STAU2: variants seen among roughly 807,000 people sequenced by gnomAD.
STAU2 encodes double-stranded RNA-binding protein Staufen homolog 2.
STAU2 carries 20 observed loss-of-function variants against 65.9 expected under a neutral mutation model. The observed-to-expected ratio is 0.30, with a 90% CI of 0.21 to 0.44. STAU2 has a LOEUF of 0.44. Among genes scored for constraint, STAU2 ranks in the 20% least tolerant of loss-of-function variants. STAU2 has a pLI of 1.00. For missense variants in STAU2, 558 were observed against 683.9 expected (o/e 0.82, Z 2.05); for synonymous variants, 232 against 233.9 (o/e 0.99, Z 0.07).
At chr8:73,464,152 T>C (rs530705051) in intron 13 of STAU2, among the ~76,000 whole-genome samples, 2 of 152,242 alleles carry the variant, frequency 1.3e-5, no homozygotes, top group African/African-American at 4.8e-5. Context: ...TGTTTTTTGT[T>C]TGTTTTGGAT....
At chr8:73,701,752 A>T (rs1158147544) in intron 4 of STAU2, among the ~76,000 whole-genome samples, 1 of 147,406 alleles carries the variant, frequency 6.8e-6, no homozygotes, top group Non-Finnish European at 1.5e-5. Flanking sequence ...AAGAAAAGAA[A>T]TCAGTATGTT....
chr8:73,554,566 T>C (rs921493903), intron 12 of STAU2, among the ~76,000 whole-genome samples: 1 of 152,228 alleles, frequency 6.6e-6, no homozygotes, highest in African/African-American at 2.4e-5. Flanking sequence ...GATTATGGCA[T>C]GAGGGTATCT....
intron 13 of STAU2, among the ~76,000 whole-genome samples, chr8:73,455,028 T>C (rs925793999): frequency 5.3e-5 from 8 of 152,144 alleles, no homozygotes; most frequent in African/African-American, 1.7e-4. Flanking sequence ...CAGCTTCAAC[T>C]GGAGATGGAA....
intron 11 of STAU2, among the ~76,000 whole-genome samples, chr8:73,592,814 GCAC>G (rs1302170118): frequency 2.6e-5 from 4 of 152,050 alleles, no homozygotes; most frequent in African/African-American, 9.7e-5. Context: ...AGCCAAGATC[GCAC>G]CACTGCACTC....
At chr8:73,582,925 T>G in intron 11 of STAU2, 95 bp from the exon 12 acceptor site, 1 of 1,095,956 alleles carries the variant, frequency 9.1e-7, no homozygotes, top group South Asian at 1.4e-5. Context: ...CAAAGTCCTC[T>G]CACATGGTTA....
At chr8:73,614,091 T>A in intron 8 of STAU2, 135 bp from the exon 9 acceptor site, 2 of 633,950 alleles carry the variant, frequency 3.2e-6, no homozygotes, top group Non-Finnish European at 5.2e-6. Context: ...AAAGCTATTA[T>A]GAAGGTATTA....
chr8:73,450,255 A>G (rs1466278509), intron 13 of STAU2, among the ~76,000 whole-genome samples: 1 of 152,256 alleles, frequency 6.6e-6, no homozygotes, highest in Non-Finnish European at 1.5e-5. Context: ...ATTTATGACT[A>G]GAGCAAAAAC....
chr8:73,746,485 C>T (rs976455318), intron 1 of STAU2, among the ~76,000 whole-genome samples: 31 of 151,934 alleles, frequency 2.0e-4, no homozygotes, highest in African/African-American at 1.7e-4. Context: ...CCTCGCCTTC[C>T]TCCCGGCTCC....
intron 11 of STAU2, among the ~76,000 whole-genome samples, chr8:73,593,153 C>A (rs1006930338): frequency 7.2e-5 from 11 of 152,124 alleles, no homozygotes; most frequent in Admixed American, 6.5e-4. Flanking sequence ...TCAGTTCAGA[C>A]CCTCAATATC....
At chr8:73,680,593 C>T (rs537840486) in intron 5 of STAU2, among the ~76,000 whole-genome samples, 7 of 152,038 alleles carry the variant, frequency 4.6e-5, no homozygotes, top group Admixed American at 2.0e-4. Context: ...AGTTCACCAG[C>T]GATGGATCCA....
At chr8:73,626,936 C>T (rs1813687596) in intron 6 of STAU2, among the ~76,000 whole-genome samples, 1 of 151,936 alleles carries the variant, frequency 6.6e-6, no homozygotes, top group Non-Finnish European at 1.5e-5. Flanking sequence ...TAAAGGACAC[C>T]ACCCTATTTC....
At chr8:73,482,488 G>T (rs1820687259) in intron 13 of STAU2, among the ~76,000 whole-genome samples, 1 of 152,060 alleles carries the variant, frequency 6.6e-6, no homozygotes, top group Non-Finnish European at 1.5e-5. Context: ...TTTGCAAACT[G>T]ACTACTTGCA....
chr8:73,667,274 A>C (rs1817308691), intron 6 of STAU2, among the ~76,000 whole-genome samples: 1 of 152,114 alleles, frequency 6.6e-6, no homozygotes, highest in African/African-American at 2.4e-5. Flanking sequence ...ATATTCCTAA[A>C]ACATATATCC....
chr8:73,615,862 A>G (rs1812800459), intron 7 of STAU2, 80 bp from the exon 8 acceptor site: 8 of 1,031,980 alleles, frequency 7.8e-6, no homozygotes, highest in South Asian at 2.8e-5. Flanking sequence ...AAGATGGCCT[A>G]TTTAAATTAC....
chr8:73,746,755 C>A, intron 1 of STAU2, 28 bp downstream of exon 1: 2 of 1,207,152 alleles, frequency 1.7e-6, no homozygotes, highest in Non-Finnish European at 2.1e-6. Flanking sequence ...GTCGGGGTCT[C>A]CCGGACGCCC....
intron 11 of STAU2, among the ~76,000 whole-genome samples, chr8:73,585,132 ATC>A (rs1427692576): frequency 1.3e-5 from 2 of 151,738 alleles, no homozygotes; most frequent in Non-Finnish European, 2.9e-5. Context: ...AATTAATAAA[ATC>A]TGTTTTATTT....
chr8:73,672,821 T>G (rs1034072541), intron 6 of STAU2, among the ~76,000 whole-genome samples: 5 of 151,862 alleles, frequency 3.3e-5, no homozygotes, highest in Admixed American at 6.6e-5. Context: ...TAAGACTTGG[T>G]CTTCCCTGCA....
intron 4 of STAU2, among the ~76,000 whole-genome samples, chr8:73,705,480 T>C (rs1820445892): frequency 6.6e-6 from 1 of 152,162 alleles, no homozygotes; most frequent in Non-Finnish European, 1.5e-5. Flanking sequence ...AGGAAAATAA[T>C]GGAAAAGAAG....
At chr8:73,689,790 C>T (rs775130345) in intron 4 of STAU2, among the ~76,000 whole-genome samples, 10 of 152,082 alleles carry the variant, frequency 6.6e-5, no homozygotes, top group Non-Finnish European at 1.5e-4. Context: ...AATACCTTCA[C>T]TAAGTTAGCA....
Sources: gnomAD v4.1 joint callset for allele counts (sites outside exome capture counted in the v4.1 genomes callset) on GRCh38, gnomAD v4.1.1 for gene constraint, MANE v1.5 for transcripts, NCBI Gene and HGNC (gene_info 2026-07-23, HGNC 2026-07-21) for gene names.